KAZN: variants seen among roughly 807,000 people sequenced by gnomAD.
KAZN encodes the protein kazrin.
A neutral mutation model predicts 87.4 loss-of-function variants in KAZN; 40 were observed. The observed-to-expected ratio is 0.46, with a 90% CI of 0.36 to 0.60. The LOEUF (loss-of-function observed/expected upper bound fraction) is 0.60, where lower values mean the gene tolerates loss of function less well. KAZN is among the 20% of genes least tolerant of loss of function. The probability of loss-of-function intolerance (pLI) is 0.00; values close to 1 mark genes in which losing one functional copy is unlikely to be tolerated. For synonymous variants in KAZN, 466 were observed against 458.3 expected (o/e 1.02, Z -0.22); for missense variants, 898 against 1,073.9 (o/e 0.84, Z 2.29).
intron 1 of KAZN, among the ~76,000 whole-genome samples, chr1:13,951,794 T>C (rs78105270): frequency 0.02 from 3,052 of 152,252 alleles, 108 homozygotes; most frequent in African/African-American, 0.069. Context: ...CAGACATAGA[T>C]GGATTCCCAC....
intron 2 of KAZN, among the ~76,000 whole-genome samples, chr1:14,419,964 G>A (rs573144598): frequency 1.3e-5 from 2 of 152,174 alleles, no homozygotes; most frequent in African/African-American, 2.4e-5. Flanking sequence ...GGGAACATTA[G>A]GGGATTGCCA....
chr1:14,952,240 C>CTGTGTGTGTG (rs56104480), intron 1 of KAZN, among the ~76,000 whole-genome samples: 4,108 of 143,960 alleles, frequency 0.029, 81 homozygotes, highest in African/African-American at 0.053. Flanking sequence ...TTCTTTCCCA[C>CTGTGTGTGTG]TGTGTGTGTG....
chr1:15,046,983 G>A (rs1673623041), intron 4 of KAZN, among the ~76,000 whole-genome samples: 1 of 152,190 alleles, frequency 6.6e-6, no homozygotes, highest in South Asian at 2.1e-4. Context: ...CTAGAAACCA[G>A]CTCACCCTGG....
intron 2 of KAZN, among the ~76,000 whole-genome samples, chr1:14,403,577 G>A (rs1663595353): frequency 6.6e-6 from 1 of 151,980 alleles, no homozygotes; most frequent in Admixed American, 6.6e-5. Context: ...AAAGGACAAA[G>A]AACCAACAAC....
intron 1 of KAZN, chr1:14,946,093 C>G (rs1661736968): frequency 5.4e-6 from 1 of 184,512 alleles, no homozygotes; most frequent in East Asian, 1.9e-4. Flanking sequence ...AAACAACTAC[C>G]CAAGGACAGA....
chr1:14,471,190 A>G (rs937129856), intron 2 of KAZN, among the ~76,000 whole-genome samples: 3 of 152,158 alleles, frequency 2.0e-5, no homozygotes, highest in Admixed American at 6.5e-5. Context: ...GTTCTCAGCC[A>G]CTATATTTTA....
rs1182724737 is a variant in KAZN at position 15,092,052 on chromosome 1, G to GT, written c.1223-2121dup. ...AGGGTCATTTCTAATCAGAGGTTTT[G>GT]TTTTTTTGTTTTTTTTTTTGATTTT... On this transcript the variant is annotated intron_variant, in intron 8 of 14. Transcript: ENST00000376030. 3.3e-3 allele frequency among the ~76,000 whole-genome samples: 275 copies of GT among 82,622 alleles called. 7 individuals carry two copies. The highest frequency in any genetic ancestry group is 0.014 in the African/African-American group (262 of 18,518). 54.2% of individuals were successfully genotyped at this position (82,622 alleles called of 152,430 possible). A position where few individuals can be genotyped will look rare whatever the true frequency, so the allele number is the denominator to read the frequency against.
chr1:14,907,154 G>C (rs1046554130), intron 1 of KAZN, among the ~76,000 whole-genome samples: 3 of 151,982 alleles, frequency 2.0e-5, no homozygotes, highest in Admixed American at 2.0e-4. Flanking sequence ...CCAGCACTTT[G>C]GGAGGCCGAG....
chr1:14,821,007 A>T (rs1185157033), intron 1 of KAZN, among the ~76,000 whole-genome samples: 4 of 152,162 alleles, frequency 2.6e-5, no homozygotes, highest in African/African-American at 9.7e-5. Flanking sequence ...GCGTGTGAGG[A>T]ATTGAAAAGG....
At chr1:14,684,306 C>A (rs1640838223) in intron 1 of KAZN, among the ~76,000 whole-genome samples, 1 of 152,104 alleles carries the variant, frequency 6.6e-6, no homozygotes, top group Non-Finnish European at 1.5e-5. Context: ...GTTGCACAGA[C>A]CAAGTTTGAT....
chr1:14,350,152 A>G (rs1658429501), intron 2 of KAZN, among the ~76,000 whole-genome samples: 1 of 148,910 alleles, frequency 6.7e-6, no homozygotes, highest in African/African-American at 2.5e-5. Context: ...AAAAAAAAAA[A>G]GTGACAAGAA....
Position 13,985,660 on chromosome 1 carries a change from C to T in KAZN, c.91+91904C>T, listed in dbSNP as rs189827582. 2.2e-3 allele frequency among the ~76,000 whole-genome samples: 331 copies of T among 152,012 alleles called. 2 individuals carry two copies. Among genetic ancestry groups the T allele is most frequent in the African/African-American group, 7.8e-3 (324 of 41,518 alleles). On this transcript the variant is annotated intron_variant, in intron 1 of 16. Coordinates refer to the KAZN transcript ENST00000636203. ...TCCCTCCAAAAAAAAAACCCTGTACCTGTTAACAGTCACTGCCCATTTTCC... is the reference window on the plus strand; with the variant it reads ...TCCCTCCAAAAAAAAAACCCTGTACTTGTTAACAGTCACTGCCCATTTTCC...
chr1:14,020,880 C>T (rs757700927), intron 1 of KAZN, among the ~76,000 whole-genome samples: 3 of 152,158 alleles, frequency 2.0e-5, no homozygotes, highest in Non-Finnish European at 2.9e-5. Context: ...CATTTGTCAC[C>T]GTTCCTTTAG....
intron 1 of KAZN, among the ~76,000 whole-genome samples, chr1:14,106,512 A>C (rs1440942169): frequency 1.3e-5 from 2 of 152,086 alleles, no homozygotes; most frequent in African/African-American, 4.8e-5. Flanking sequence ...TAGTGGTCAA[A>C]GCCTGTCTCC....
At chr1:15,022,537 G>T (rs1037265289) in intron 2 of KAZN, among the ~76,000 whole-genome samples, 3 of 152,210 alleles carry the variant, frequency 2.0e-5, no homozygotes, top group African/African-American at 7.2e-5. Flanking sequence ...CTCAGCCATG[G>T]ATGGGCCCAA....
At chr1:14,080,261 C>T (rs1305333865) in intron 1 of KAZN, among the ~76,000 whole-genome samples, 3 of 71,560 alleles carry the variant, frequency 4.2e-5, no homozygotes, top group African/African-American at 1.0e-4. Flanking sequence ...AGAGCTCCTT[C>T]TCATATAACT....
intron 1 of KAZN, among the ~76,000 whole-genome samples, chr1:14,743,290 C>A (rs181971032): frequency 6.6e-6 from 1 of 151,740 alleles, no homozygotes; most frequent in African/African-American, 2.4e-5. Context: ...ATTAGCCGGG[C>A]GTGGTGACAC....
In KAZN at chr1:15,077,126, C is replaced by T. The variant is rs1398424348; in HGVS notation, c.1222+11373C>T. ...TCTTCTAGAGAAGCCAAATATCTCACATAATACACCCCAAGTCTTTCATAT... is the reference window on the plus strand; with the variant it reads ...TCTTCTAGAGAAGCCAAATATCTCATATAATACACCCCAAGTCTTTCATAT... On this transcript the variant is annotated intron_variant, in intron 8 of 14. Transcript: ENST00000376030. The surrounding 1 kb of genome is among the most constrained non-coding windows in gnomAD (Gnocchi z 4.8). Among the ~76,000 whole-genome samples the T allele has an allele frequency of 1.3e-5, 2 of 152,222 alleles. No homozygotes were observed. The highest frequency in any genetic ancestry group is 2.9e-5 in the Non-Finnish European group (2 of 68,042).
chr1:14,073,414 AT>A (rs1643320729), intron 1 of KAZN, among the ~76,000 whole-genome samples: 1 of 151,676 alleles, frequency 6.6e-6, no homozygotes, highest in South Asian at 2.1e-4. Flanking sequence ...AATTTTTTTT[AT>A]TATACTTTAA....
Sources: allele counts gnomAD v4.1 joint callset (sites outside exome capture counted in the v4.1 genomes callset), GRCh38; gene constraint gnomAD v4.1.1; non-coding constraint Gnocchi (gnomAD v3.1); transcripts MANE v1.5; gene names NCBI Gene and HGNC (gene_info 2026-07-23, HGNC 2026-07-21).